PPP2R2B: variants seen among roughly 807,000 people sequenced by gnomAD.
PPP2R2B encodes protein phosphatase 2 regulatory subunit Bbeta, also known as serine/threonine-protein phosphatase 2A 55 kDa regulatory subunit B beta isoform.
In PPP2R2B, 5 loss-of-function variants were observed where a neutral mutation model predicts 46.0. That is an observed-to-expected ratio of 0.11 (90% CI 0.06 to 0.23). The LOEUF (loss-of-function observed/expected upper bound fraction) is 0.23. Ranked by LOEUF, PPP2R2B falls within the 10% of genes least tolerant of loss-of-function variation. The probability of loss-of-function intolerance (pLI) is 1.00; values close to 1 mark genes in which losing one functional copy is unlikely to be tolerated. For synonymous variants in PPP2R2B, 215 were observed against 206.7 expected (o/e 1.04, Z -0.34); for missense variants, 367 against 575.0 (o/e 0.64, Z 3.70).
At chr5:146,903,969 T>C (rs1762921026) in intron 1 of PPP2R2B, among the ~76,000 whole-genome samples, 1 of 152,212 alleles carries the variant, frequency 6.6e-6, no homozygotes, top group South Asian at 2.1e-4. Context: ...ATGATCATTA[T>C]ATTGTCATCT....
intron 1 of PPP2R2B, among the ~76,000 whole-genome samples, chr5:146,913,553 T>TG (rs11464078): frequency 2.8e-4 from 12 of 42,594 alleles, no homozygotes; most frequent in African/African-American, 3.7e-4. Flanking sequence ...ATTTTCAATG[T>TG]TTTTTTTTTC....
At chr5:146,624,681 C>A (rs1420681310) in intron 7 of PPP2R2B, among the ~76,000 whole-genome samples, 1 of 152,210 alleles carries the variant, frequency 6.6e-6, no homozygotes, top group Admixed American at 6.5e-5. Context: ...CTTAATACAG[C>A]AATATCCAAA....
At chr5:146,951,972 ATC>A (rs1391329069) in intron 1 of PPP2R2B, among the ~76,000 whole-genome samples, 2 of 145,800 alleles carry the variant, frequency 1.4e-5, no homozygotes, top group Non-Finnish European at 3.0e-5. Flanking sequence ...TTTACATAGA[ATC>A]TTTTTTTTTT....
At chr5:147,021,918 G>T (rs967583952) in intron 1 of PPP2R2B, among the ~76,000 whole-genome samples, 1 of 151,996 alleles carries the variant, frequency 6.6e-6, no homozygotes, top group Non-Finnish European at 1.5e-5. Context: ...AATCTATTAA[G>T]ATTATGTTCA....
chr5:146,886,794 G>C (rs1205193766), intron 1 of PPP2R2B, among the ~76,000 whole-genome samples: 1 of 151,238 alleles, frequency 6.6e-6, no homozygotes, highest in Admixed American at 6.6e-5. Flanking sequence ...CATCATTTTA[G>C]ATTTTTTAGA....
intron 2 of PPP2R2B, among the ~76,000 whole-genome samples, chr5:147,065,540 G>C (rs1458968484): frequency 6.6e-6 from 1 of 152,078 alleles, no homozygotes; most frequent in African/African-American, 2.4e-5. Flanking sequence ...TAGACTGGAG[G>C]TGGTCAAGAC....
intron 1 of PPP2R2B, among the ~76,000 whole-genome samples, chr5:146,990,251 G>A (rs1753635016): frequency 2.0e-5 from 3 of 151,910 alleles, no homozygotes; most frequent in African/African-American, 7.2e-5. Flanking sequence ...ATGTGGAAGT[G>A]CAAAAGACCC....
chr5:146,820,959 C>G (rs1758221643), intron 2 of PPP2R2B, among the ~76,000 whole-genome samples: 1 of 152,132 alleles, frequency 6.6e-6, no homozygotes, highest in South Asian at 2.1e-4. Context: ...TGCGCTAGTC[C>G]TGGGCCATAC....
At chr5:146,687,342 G>A (rs1412586800) in intron 5 of PPP2R2B, among the ~76,000 whole-genome samples, 1 of 152,072 alleles carries the variant, frequency 6.6e-6, no homozygotes, top group Admixed American at 6.6e-5. Flanking sequence ...GTAGATCAAA[G>A]CTTGGTTCTC....
intron 5 of PPP2R2B, among the ~76,000 whole-genome samples, chr5:146,688,556 T>G (rs1308365076): frequency 2.6e-5 from 4 of 151,800 alleles, no homozygotes; most frequent in African/African-American, 9.7e-5. Flanking sequence ...ACACAGCTGG[T>G]TAGTAAGAAA....
chr5:147,021,498 C>A (rs1328654550), intron 1 of PPP2R2B, among the ~76,000 whole-genome samples: 2 of 152,044 alleles, frequency 1.3e-5, no homozygotes, highest in East Asian at 3.9e-4. Context: ...TATCAGTGAG[C>A]CTAAAATACT....
intron 8 of PPP2R2B, among the ~76,000 whole-genome samples, chr5:146,594,556 A>G (rs1363638619): frequency 6.6e-6 from 1 of 152,228 alleles, no homozygotes; most frequent in Admixed American, 6.5e-5. Flanking sequence ...TTATCTGTCA[A>G]AACCTCATTT....
intron 1 of PPP2R2B, among the ~76,000 whole-genome samples, chr5:146,889,156 C>G (rs575444948): frequency 6.6e-6 from 1 of 152,254 alleles, no homozygotes; most frequent in Admixed American, 6.5e-5. Context: ...GGATGAATCA[C>G]AAGGGAAAAT....
intron 2 of PPP2R2B, among the ~76,000 whole-genome samples, chr5:146,787,305 A>G (rs536123541): frequency 6.6e-6 from 1 of 152,212 alleles, no homozygotes; most frequent in Non-Finnish European, 1.5e-5. Context: ...GTGGTCATGA[A>G]GGTTGTATGT....
At chr5:147,070,318 G>A (rs1757550408) in intron 2 of PPP2R2B, among the ~76,000 whole-genome samples, 1 of 152,040 alleles carries the variant, frequency 6.6e-6, no homozygotes, top group Non-Finnish European at 1.5e-5. Flanking sequence ...TTGGTATAAA[G>A]TTATTTATAC....
intron 2 of PPP2R2B, among the ~76,000 whole-genome samples, chr5:146,807,776 CTTTTTTTTTTTTTTTTTTTTTT>C (rs10583721): frequency 1.3e-3 from 48 of 36,932 alleles, no homozygotes; most frequent in South Asian, 3.3e-3. Flanking sequence ...GGGGTGCCTT[CTTTTTTTTTTTTTTTTTTTTTT>C]TTTTTTTTTT....
At chr5:146,699,416 G>T (rs919665591) in intron 3 of PPP2R2B, among the ~76,000 whole-genome samples, 3 of 152,124 alleles carry the variant, frequency 2.0e-5, no homozygotes, top group Non-Finnish European at 2.9e-5. Flanking sequence ...CTTAACTGCA[G>T]GTTCTTTATC....
At chr5:146,696,072 T>TC (rs902369685) in intron 4 of PPP2R2B, among the ~76,000 whole-genome samples, 18 of 151,508 alleles carry the variant, frequency 1.2e-4, no homozygotes, top group African/African-American at 4.1e-4. Context: ...TTTTTTCCCA[T>TC]CCCCCCGCCA....
chr5:146,670,047 A>C (rs556189854), intron 5 of PPP2R2B, among the ~76,000 whole-genome samples: 3 of 152,324 alleles, frequency 2.0e-5, no homozygotes, highest in Non-Finnish European at 4.4e-5. Context: ...AAATTATGAC[A>C]CTTTTATATC....
Sources: allele counts gnomAD v4.1 joint callset (sites outside exome capture counted in the v4.1 genomes callset), GRCh38; gene constraint gnomAD v4.1.1; transcripts MANE v1.5; gene names NCBI Gene and HGNC (gene_info 2026-07-23, HGNC 2026-07-21).